GNAQ: variants seen among roughly 807,000 people sequenced by gnomAD.
The protein encoded by GNAQ is guanine nucleotide-binding protein G(q) subunit alpha.
Under a neutral mutation model 43.9 loss-of-function variants are expected in GNAQ, and 8 were observed. The observed-to-expected ratio is 0.18, with a 90% CI of 0.11 to 0.33. The LOEUF (loss-of-function observed/expected upper bound fraction) is 0.33, where lower values mean the gene tolerates loss of function less well. GNAQ is among the 10% of genes least tolerant of loss of function. The pLI is 1.00. For synonymous variants in GNAQ, 155 were observed against 170.7 expected (o/e 0.91, Z 0.71); for missense variants, 158 against 450.8 (o/e 0.35, Z 5.88).
chr9:77,771,013 T>A (rs1191447649), intron 5 of GNAQ, among the ~76,000 whole-genome samples: 1 of 152,272 alleles, frequency 6.6e-6, no homozygotes, highest in Non-Finnish European at 1.5e-5. Context: ...TCTTACATAG[T>A]TTTTAGTAAG....
At chr9:78,001,629 G>T (rs1048650929) in intron 1 of GNAQ, among the ~76,000 whole-genome samples, 1 of 150,062 alleles carries the variant, frequency 6.7e-6, no homozygotes, top group Non-Finnish European at 1.5e-5. Context: ...TTGAAACACC[G>T]ATTTCCTCTG....
chr9:77,821,600 A>G (rs1204512052), intron 2 of GNAQ, among the ~76,000 whole-genome samples: 1 of 152,126 alleles, frequency 6.6e-6, no homozygotes, highest in Non-Finnish European at 1.5e-5. Flanking sequence ...ATATAATTAC[A>G]TAATTCCATT....
chr9:77,763,288 C>T (rs1292580270), intron 5 of GNAQ, among the ~76,000 whole-genome samples: 1 of 152,176 alleles, frequency 6.6e-6, no homozygotes, highest in Non-Finnish European at 1.5e-5. Flanking sequence ...AGGATTTTAA[C>T]ATCGCTTTGC....
At chr9:78,026,032 A>G (rs1823975398) in intron 1 of GNAQ, among the ~76,000 whole-genome samples, 1 of 152,228 alleles carries the variant, frequency 6.6e-6, no homozygotes, top group South Asian at 2.1e-4. Flanking sequence ...AACTGAACAT[A>G]AGCCATTTCT....
chr9:77,932,574 C>T (rs540334208), intron 1 of GNAQ, among the ~76,000 whole-genome samples: 2 of 152,206 alleles, frequency 1.3e-5, no homozygotes, highest in South Asian at 4.1e-4. Flanking sequence ...GACCAGCTGA[C>T]TTGGAGGCTG....
intron 2 of GNAQ, among the ~76,000 whole-genome samples, chr9:77,826,659 G>A (rs1827202851): frequency 6.6e-6 from 1 of 152,198 alleles, no homozygotes; most frequent in Non-Finnish European, 1.5e-5. Context: ...ATCAAACCAT[G>A]TTCCCATTTA....
At chr9:77,952,789 A>C (rs1822998087) in intron 1 of GNAQ, among the ~76,000 whole-genome samples, 1 of 152,188 alleles carries the variant, frequency 6.6e-6, no homozygotes, top group South Asian at 2.1e-4. Flanking sequence ...GTAAATGTCT[A>C]AGAAGCCCAT....
intron 2 of GNAQ, among the ~76,000 whole-genome samples, chr9:77,904,049 T>C (rs538864161): frequency 1.7e-4 from 26 of 152,180 alleles, no homozygotes; most frequent in Non-Finnish European, 3.2e-4. Flanking sequence ...CTTGGATAAT[T>C]TGGCTTTCTG....
intron 1 of GNAQ, among the ~76,000 whole-genome samples, chr9:77,969,439 A>C (rs186115806): frequency 6.6e-6 from 1 of 152,342 alleles, no homozygotes. Flanking sequence ...AATTAGCCTG[A>C]TGCGACAGCC....
At chr9:77,960,287 AC>A (rs1823091362) in intron 1 of GNAQ, among the ~76,000 whole-genome samples, 3 of 152,190 alleles carry the variant, frequency 2.0e-5, no homozygotes, top group African/African-American at 7.2e-5. Flanking sequence ...TGGTCATCAC[AC>A]CAGAATGGGT....
intron 6 of GNAQ, among the ~76,000 whole-genome samples, chr9:77,728,042 T>G (rs1032349668): frequency 1.3e-5 from 2 of 152,066 alleles, no homozygotes; most frequent in Non-Finnish European, 2.9e-5. Flanking sequence ...GTTGCCAGGC[T>G]GGAGTGCAGT....
At chr9:77,921,984 A>C (rs548047027) in intron 2 of GNAQ, among the ~76,000 whole-genome samples, 177 bp downstream of exon 2, 22 of 152,350 alleles carry the variant, frequency 1.4e-4, no homozygotes, top group African/African-American at 5.3e-4. Flanking sequence ...GTTTAAGAAA[A>C]AGACATTTAT....
chr9:77,927,099 T>C (rs1829081718), intron 1 of GNAQ, among the ~76,000 whole-genome samples: 1 of 152,178 alleles, frequency 6.6e-6, no homozygotes, highest in African/African-American at 2.4e-5. Flanking sequence ...GCTTCCATTT[T>C]AGGCCTTTTC....
At chr9:77,786,144 G>A (rs1375931617) in intron 5 of GNAQ, among the ~76,000 whole-genome samples, 1 of 152,086 alleles carries the variant, frequency 6.6e-6, no homozygotes, top group Non-Finnish European at 1.5e-5. Context: ...TTGGGAGGCT[G>A]AGGCGGGCAG....
chr9:77,819,002 C>CAAAAAAAAAAAA (rs10547681), intron 2 of GNAQ, among the ~76,000 whole-genome samples: 2 of 45,286 alleles, frequency 4.4e-5, no homozygotes, highest in Admixed American at 7.8e-4. Flanking sequence ...ACCATCTCTC[C>CAAAAAAAAAAAA]AAAAAAAAAA....
In GNAQ at chr9:78,031,617, C is replaced by T. The variant is rs72466454; in HGVS notation, c.-382G>A. Among the ~76,000 whole-genome samples the T allele has an allele frequency of 0.082, 12,143 of 147,758 alleles. 539 individuals carry two copies. Among genetic ancestry groups the T allele is most frequent in the South Asian group, 0.11 (517 of 4,816 alleles). On this transcript the variant is annotated 5_prime_UTR_variant, in exon 1 of 7. Transcript: ENST00000286548. ...GCCGCCGCCGCCGCCGCCTGCGAGG[C>T]TCCCCTACGCCGTGCGCCTGGCGGC...
intron 1 of GNAQ, among the ~76,000 whole-genome samples, chr9:77,996,767 C>T (rs1354147098): frequency 2.0e-5 from 3 of 151,494 alleles, no homozygotes; most frequent in African/African-American, 7.3e-5. Flanking sequence ...TTTTTCTTTG[C>T]TTACACACAT....
At chr9:77,891,266 G>A (rs1016900597) in intron 2 of GNAQ, among the ~76,000 whole-genome samples, 4 of 151,824 alleles carry the variant, frequency 2.6e-5, no homozygotes, top group Admixed American at 6.6e-5. Flanking sequence ...CCTATCACAC[G>A]TTCTCCTCTC....
chr9:77,926,663 A>C (rs1829076755), intron 1 of GNAQ, among the ~76,000 whole-genome samples: 1 of 152,206 alleles, frequency 6.6e-6, no homozygotes, highest in African/African-American at 2.4e-5. Context: ...TAACTTTAAC[A>C]AGCAAATGAA....
Sources: gnomAD v4.1 joint callset for allele counts (sites outside exome capture counted in the v4.1 genomes callset) on GRCh38, gnomAD v4.1.1 for gene constraint, MANE v1.5 for transcripts, NCBI Gene and HGNC (gene_info 2026-07-23, HGNC 2026-07-21) for gene names.